The following USP43 variants were observed in gnomAD, a reference collection of about 807,000 sequenced individuals.
USP43 encodes the protein ubiquitin carboxyl-terminal hydrolase 43.
Under a neutral mutation model 90.7 loss-of-function variants are expected in USP43, and 33 were observed. The ratio of observed to expected loss-of-function variants is 0.36; its 90% confidence interval spans 0.28 to 0.49. USP43 has a LOEUF of 0.49. Ranked by LOEUF, USP43 falls within the 20% of genes least tolerant of loss-of-function variation. The probability of loss-of-function intolerance (pLI) is 0.98; values close to 1 mark genes in which losing one functional copy is unlikely to be tolerated. For missense variants in USP43, 1,274 were observed against 1,476.4 expected (o/e 0.86, Z 2.25); for synonymous variants, 598 against 615.8 (o/e 0.97, Z 0.43).
At chr17:9,699,905 A>G (rs146082088) in intron 9 of USP43, among the ~76,000 whole-genome samples, 2 of 152,278 alleles carry the variant, frequency 1.3e-5, no homozygotes, top group Non-Finnish European at 2.9e-5. Flanking sequence ...CAGCTGATCT[A>G]TTTCCTCAAA....
chr17:9,715,417 C>T (rs1250680784), intron 14 of USP43, among the ~76,000 whole-genome samples: 2 of 152,172 alleles, frequency 1.3e-5, no homozygotes, highest in African/African-American at 2.4e-5. Flanking sequence ...CACACCACTG[C>T]ACTCCGGCCT....
At position 9,682,943 on chromosome 17, in the gene USP43, G is replaced by A. The variant is rs368273901; in HGVS notation, c.1226G>A (p.Gly409Glu). Residue 409 changes from glycine to glutamate, a missense_variant, in exon 7 of 15, where the codon GGG (glycine) becomes GAG (glutamate). Around this residue, in one of 6 missense-constraint regions of USP43, gnomAD observed 253 missense variants for 276.0 expected, o/e 0.92. Transcript: ENST00000285199. ...LILFCNLVGSGQQASRFGPPF... is the reference protein window; with the variant it reads ...LILFCNLVGSEQQASRFGPPF... The stretch of plus-strand genomic sequence containing the variant: ...CTCTTCTGTAACTTGGTGGGGTCAG[G>A]GCAGCAGGCTAGCAGGTATGTTTCA... 175 of 1,613,670 alleles carry A rather than the reference G, an allele frequency of 1.1e-4. 1 individual carries two copies. The highest frequency in any genetic ancestry group is 3.3e-5 in the Admixed American group (2 of 60,008).
chr17:9,645,700 C>A lies in USP43; in HGVS notation c.68C>A (p.Ser23Tyr). Residue 23 changes from serine to tyrosine, a missense_variant, in exon 1 of 15, where the codon TCC becomes TAC. Physicochemically the swap from Ser to Tyr is moderately radical, Grantham distance 144 (BLOSUM62 -2). This residue lies in a region of USP43 where 112 missense variants were observed against 106.6 expected (regional missense o/e 1.05). Coordinates refer to ENST00000285199, the MANE Select transcript of USP43 (RefSeq NM_153210.5). This position sits in a 1 kb window ranked among gnomAD's most constrained non-coding sequence, Gnocchi z 6.8. ...PLAPRPRRRR[S>Y]LRRLFSRFLL... ...GCGCCCCGGCCCCGCCGCCGCCGCT[C>A]CCTGCGCCGCCTGTTCAGCCGCTTC... The A allele has an allele frequency of 1.5e-6, 2 of 1,315,914 alleles. No homozygotes were observed. The highest frequency in any genetic ancestry group is 1.5e-5 in the African/African-American group (1 of 64,790). 81.5% of individuals were successfully genotyped at this position (1,315,914 alleles called of 1,614,324 possible).
At chr17:9,671,461 G>A (rs758797190) in intron 3 of USP43, among the ~76,000 whole-genome samples, 8 of 152,176 alleles carry the variant, frequency 5.3e-5, no homozygotes, top group Non-Finnish European at 1.0e-4. Context: ...CAGTGAGCAG[G>A]TAAAGTGGAC....
rs1597906788 is a variant in USP43 at position 9,728,754 on chromosome 17, A to G, written c.3136A>G (p.Arg1046Gly). Residue 1046 changes from arginine (R) to glycine (G), a missense_variant, in exon 15 of 15, where the codon AGG (arginine) becomes GGG (glycine). Around this residue, in one of 6 missense-constraint regions of USP43, gnomAD observed 353 missense variants for 329.7 expected, o/e 1.07. Coordinates refer to ENST00000285199, the MANE Select transcript of USP43 (RefSeq NM_153210.5). This position sits in a 1 kb window ranked among gnomAD's most constrained non-coding sequence, Gnocchi z 6.2. ...GGCTCCAGGCTCACCTCCTGCCCTC[A>G]GGATCCCAGAGGGCCTGGCCAGGGG... Reference protein sequence around the residue: ...GQAPGSPPALRIPEGLARGLG... With the variant: ...GQAPGSPPALGIPEGLARGLG... The G allele has an allele frequency of 5.6e-6, 9 of 1,603,526 alleles. No homozygotes were observed. In the East Asian group the frequency reaches 1.8e-4, roughly 32 times the overall value.
At chr17:9,719,954 C>T (rs574462446) in intron 14 of USP43, among the ~76,000 whole-genome samples, 10 of 152,252 alleles carry the variant, frequency 6.6e-5, no homozygotes, top group African/African-American at 2.4e-4. Context: ...GCGATCCCAG[C>T]TACTCAGGAG....
chr17:9,649,579 C>A (rs986283790), intron 1 of USP43, among the ~76,000 whole-genome samples: 1 of 150,756 alleles, frequency 6.6e-6, no homozygotes, highest in Admixed American at 6.6e-5. Flanking sequence ...TTCCTTATGT[C>A]CATGTGTACC....
At chr17:9,685,978 G>C (rs1458622498) in intron 7 of USP43, among the ~76,000 whole-genome samples, 1 of 152,032 alleles carries the variant, frequency 6.6e-6, no homozygotes, top group Non-Finnish European at 1.5e-5. Context: ...GCGCCTCCCA[G>C]CCTCTAGTAG....
chr17:9,671,032 G>A (rs1399220243), intron 3 of USP43, among the ~76,000 whole-genome samples: 2 of 152,138 alleles, frequency 1.3e-5, no homozygotes, highest in Non-Finnish European at 2.9e-5. Context: ...CCTTCTTGAT[G>A]TAATTGAGAG....
At position 9,701,727 on chromosome 17, in the gene USP43, A is replaced by C. The variant is rs1225163026; in HGVS notation, c.2011+27A>C. 7 of 1,494,892 alleles carry C rather than the reference A, an allele frequency of 4.7e-6. No homozygotes were observed. The highest frequency in any genetic ancestry group is 6.3e-6 in the Non-Finnish European group (7 of 1,114,920). The allele number at this position is 1,494,892 out of a possible 1,614,324, so 92.6% of individuals were successfully genotyped here. A position where few individuals can be genotyped will look rare whatever the true frequency, so the allele number is the denominator to read the frequency against. ...TGAGCCTTGCCTTGCCTTTCTGCAA[A>C]TGCAGCTGTGGCCACAGCCTCGAGA... On this transcript the variant is annotated intron_variant, in intron 12 of 14. Coordinates refer to ENST00000285199, the MANE Select transcript of USP43 (RefSeq NM_153210.5). This position sits in a 1 kb window ranked among gnomAD's most constrained non-coding sequence, Gnocchi z 7.2.
intron 6 of USP43, among the ~76,000 whole-genome samples, chr17:9,681,335 AAT>A (rs539711623): frequency 0.058 from 6,685 of 114,624 alleles, 201 homozygotes; most frequent in East Asian, 0.096. Context: ...TATATAAATA[AAT>A]ATATATATAA....
chr17:9,657,467 T>A (rs531564575), intron 2 of USP43, among the ~76,000 whole-genome samples: 1 of 150,134 alleles, frequency 6.7e-6, no homozygotes, highest in South Asian at 2.1e-4. Context: ...ACCGTTGCAC[T>A]CCAGCCTGGG....
chr17:9,707,412 C>T (rs1295071986), intron 12 of USP43, among the ~76,000 whole-genome samples: 4 of 151,952 alleles, frequency 2.6e-5, no homozygotes, highest in Non-Finnish European at 5.9e-5. Context: ...TTTGGGAGGC[C>T]GAGGTGGGCG....
intron 13 of USP43, 27 bp downstream of exon 13, chr17:9,710,141 G>C (rs78155361): frequency 7.8e-6 from 11 of 1,414,222 alleles, no homozygotes; most frequent in East Asian, 2.7e-5. Flanking sequence ...ATGACAGGAG[G>C]GGGGTGTGGG....
At position 9,728,692 on chromosome 17, in the gene USP43, T is replaced by C. The variant is rs1917413665; in HGVS notation, c.3074T>C (p.Leu1025Pro). ...EVSPQVPPVS[L>P]VSGGLSPAMD... is the part of the protein sequence containing the mutation. ...TCTCCACAGGTGCCCCCCGTCTCCC[T>C]GGTGAGTGGCGGGCTGAGCCCTGCC... Residue 1025 changes from leucine (L) to proline (P), a missense_variant, in exon 15 of 15, where the codon CTG becomes CCG. This residue lies in a region of USP43 where 353 missense variants were observed against 329.7 expected (regional missense o/e 1.07). Coordinates refer to ENST00000285199, the MANE Select transcript of USP43 (RefSeq NM_153210.5). This position sits in a 1 kb window ranked among gnomAD's most constrained non-coding sequence, Gnocchi z 6.2. The C allele has an allele frequency of 6.2e-7, 1 of 1,611,738 alleles. No homozygotes were observed. Among genetic ancestry groups the C allele is most frequent in the Admixed American group, 1.7e-5 (1 of 59,614 alleles).
chr17:9,710,744 CTT>C (rs1328978031), intron 13 of USP43, among the ~76,000 whole-genome samples: 1 of 152,016 alleles, frequency 6.6e-6, no homozygotes, highest in Non-Finnish European at 1.5e-5. Context: ...CTCTTGACCT[CTT>C]GATCCACCCA....
chr17:9,668,788 C>A (rs1413272291), intron 3 of USP43, among the ~76,000 whole-genome samples: 1 of 152,124 alleles, frequency 6.6e-6, no homozygotes, highest in African/African-American at 2.4e-5. Flanking sequence ...TTTGTGGTCA[C>A]CAGCCTTGAA....
intron 14 of USP43, among the ~76,000 whole-genome samples, chr17:9,721,792 CG>C (rs1460897761): frequency 6.9e-6 from 1 of 144,810 alleles, no homozygotes; most frequent in Non-Finnish European, 1.5e-5. Context: ...GGTGTGATCT[CG>C]GCTCGCTGCA....
Position 9,686,699 on chromosome 17 carries a change from C to T in USP43, c.1242-99C>T. The T allele has an allele frequency of 2.1e-6, 2 of 964,508 alleles. No individual in the cohort carries two copies. Among genetic ancestry groups the T allele is most frequent in the South Asian group, 3.1e-5 (2 of 65,408 alleles). The allele number at this position is 964,508 out of a possible 1,614,324, so 59.7% of individuals were successfully genotyped here. A position where few individuals can be genotyped will look rare whatever the true frequency, so the allele number is the denominator to read the frequency against. On this transcript the variant is annotated intron_variant, in intron 7 of 14. Coordinates refer to ENST00000285199, the MANE Select transcript of USP43 (RefSeq NM_153210.5). This position sits in a 1 kb window ranked among gnomAD's most constrained non-coding sequence, Gnocchi z 5.5. ...TTTGTGCTTAGCTCTTGTCACTTAT[C>T]CTATTGACAGGAAGCCAGGGTTAGA...
Sources: allele counts gnomAD v4.1 joint callset (sites outside exome capture counted in the v4.1 genomes callset), GRCh38; gene constraint gnomAD v4.1.1; regional missense constraint gnomAD v4.1.1; non-coding constraint Gnocchi (gnomAD v3.1); transcripts MANE v1.5; gene names NCBI Gene and HGNC (gene_info 2026-07-23, HGNC 2026-07-21).